Variants in SEL1L3 observed in about 807,000 individuals in gnomAD.
SEL1L3 encodes SEL1L family member 3.
Under a neutral mutation model 142.8 loss-of-function variants are expected in SEL1L3, and 76 were observed. The ratio of observed to expected loss-of-function variants is 0.53; its 90% CI spans 0.44 to 0.64. The LOEUF (loss-of-function observed/expected upper bound fraction) is 0.64, where lower values mean the gene tolerates loss of function less well. Among genes scored for constraint, SEL1L3 ranks in the 30% least tolerant of loss-of-function variants. The pLI is 0.00. For synonymous variants in SEL1L3, 504 were observed against 519.6 expected, an observed-to-expected ratio of 0.97 and a Z score of 0.41; for missense variants, 1,262 against 1,381.7, an observed-to-expected ratio of 0.91 and a Z score of 1.37.
chr4:25,821,522 C>T (rs1315956407), intron 7 of SEL1L3, among the ~76,000 whole-genome samples: 3 of 152,188 alleles, frequency 2.0e-5, no homozygotes, highest in African/African-American at 7.2e-5. Context: ...AACACAATGC[C>T]CTTTTCGATC....
chr4:25,850,800 T>C (rs1044579933), intron 1 of SEL1L3, among the ~76,000 whole-genome samples: 1 of 152,166 alleles, frequency 6.6e-6, no homozygotes, highest in African/African-American at 2.4e-5. Flanking sequence ...AAGGGTTTTC[T>C]GTCTGGTTTT....
intron 11 of SEL1L3, among the ~76,000 whole-genome samples, chr4:25,798,596 G>A (rs760298633): frequency 3.5e-4 from 54 of 152,196 alleles, no homozygotes; most frequent in Non-Finnish European, 6.3e-4. Flanking sequence ...GGGAGGCCAA[G>A]GTAGGCGGAT....
intron 23 of SEL1L3, among the ~76,000 whole-genome samples, chr4:25,753,763 C>T (rs1024115311): frequency 6.6e-6 from 1 of 152,148 alleles, no homozygotes; most frequent in Non-Finnish European, 1.5e-5. Context: ...GCAGGTAGAT[C>T]CCTTGAGGTC....
chr4:25,780,772 TA>T (rs1308065998), intron 15 of SEL1L3, among the ~76,000 whole-genome samples: 3 of 146,076 alleles, frequency 2.1e-5, no homozygotes, highest in East Asian at 2.0e-4. Context: ...TATATATAAA[TA>T]AAAAATAAAA....
chr4:25,821,354 C>CT (rs1212256568), intron 7 of SEL1L3, among the ~76,000 whole-genome samples: 15 of 152,298 alleles, frequency 9.8e-5, no homozygotes, highest in African/African-American at 3.6e-4. Flanking sequence ...TCTTGATCTC[C>CT]TTAAAGCAGC....
At chr4:25,826,817 C>T (rs571893362) in intron 6 of SEL1L3, among the ~76,000 whole-genome samples, 3 of 152,152 alleles carry the variant, frequency 2.0e-5, no homozygotes, top group Non-Finnish European at 2.9e-5. Context: ...GTGCCCACCA[C>T]CATGCCCGGC....
At chr4:25,826,234 A>G (rs915839807) in intron 6 of SEL1L3, among the ~76,000 whole-genome samples, 1 of 152,224 alleles carries the variant, frequency 6.6e-6, no homozygotes, top group Non-Finnish European at 1.5e-5. Flanking sequence ...TTAACGCTAT[A>G]GAGGCCTGAA....
chr4:25,811,511 A>C (rs1303409063), intron 9 of SEL1L3, among the ~76,000 whole-genome samples: 1 of 152,232 alleles, frequency 6.6e-6, no homozygotes, highest in Non-Finnish European at 1.5e-5. Flanking sequence ...TGGCTAGCGC[A>C]AACCTTGAAC....
Position 25,750,234 on chromosome 4 carries a change from C to CA in SEL1L3, c.3260-1671dup, listed in dbSNP as rs10718046. On this transcript the variant is annotated intron_variant, in intron 23 of 23. Coordinates refer to ENST00000399878, the MANE Select transcript of SEL1L3 (RefSeq NM_015187.5). ...TGGGCGACAGAGCGAGACTCCATCTCAAAAAAAAAAAAAAAAAAAAAGAAA... is the reference window on the plus strand; with the variant it reads ...TGGGCGACAGAGCGAGACTCCATCTCAAAAAAAAAAAAAAAAAAAAAAGAAA... 4.0e-3 allele frequency among the ~76,000 whole-genome samples: 419 copies of CA among 104,864 alleles called. 4 individuals are homozygous for CA. The highest frequency in any genetic ancestry group is 9.7e-3 in the African/African-American group (239 of 24,576). 68.8% of individuals were successfully genotyped at this position (104,864 alleles called of 152,430 possible).
upstream of SEL1L3, chr4:25,863,135 G>A (rs952872141): frequency 1.7e-5 from 3 of 178,594 alleles, no homozygotes; most frequent in Admixed American, 6.8e-5. Context: ...CCACCCCTCG[G>A]AGCAGCGGGC....
At chr4:25,714,890 A>G in the SEL1L3 span, among the ~76,000 whole-genome samples, 1 of 152,120 alleles carries the variant, frequency 6.6e-6, no homozygotes, top group South Asian at 2.1e-4. Flanking sequence ...AAAATATTAC[A>G]AAGTTTTTTG....
intron 6 of SEL1L3, among the ~76,000 whole-genome samples, chr4:25,827,040 A>T (rs1715140858): frequency 6.6e-6 from 1 of 152,226 alleles, no homozygotes; most frequent in South Asian, 2.1e-4. Context: ...CCCCCAAATC[A>T]GTCTTGATCC....
intron 5 of SEL1L3, among the ~76,000 whole-genome samples, chr4:25,831,514 ATTATTATT>A (rs1560340115): frequency 0.039 from 3,481 of 89,862 alleles, 154 homozygotes; most frequent in African/African-American, 0.11. Context: ...AATAATAATT[ATTATTATT>A]ATTATTATTA....
chr4:25,840,924 C>T (rs930880338), intron 2 of SEL1L3, among the ~76,000 whole-genome samples: 2 of 152,190 alleles, frequency 1.3e-5, no homozygotes, highest in African/African-American at 4.8e-5. Context: ...GGAACAAAGG[C>T]TTATCACCAT....
intron 6 of SEL1L3, among the ~76,000 whole-genome samples, chr4:25,825,718 AGGC>A (rs1169257809): frequency 2.5e-5 from 3 of 118,430 alleles, no homozygotes; most frequent in African/African-American, 1.0e-4. Context: ...CTCTGTTGCC[AGGC>A]TGGAGTGCAG....
Position 25,748,429 on chromosome 4 carries a change from C to T in SEL1L3, c.3395G>A (p.Gly1132Glu). The T allele has an allele frequency of 6.2e-7, 1 of 1,608,242 alleles. No homozygotes were observed. Among genetic ancestry groups the T allele is most frequent in the Non-Finnish European group, 8.5e-7 (1 of 1,177,562 alleles). Residue 1132 changes from glycine to glutamate, a missense_variant, in exon 24 of 24, where the codon GGG (glycine) becomes GAG (glutamate). By Grantham distance (98) the Gly-to-Glu change is moderately conservative (BLOSUM62 -2). Around this residue, in one of 3 missense-constraint regions of SEL1L3, gnomAD observed 138 missense variants for 129.7 expected, o/e 1.06. Transcript: ENST00000399878. ...PTVTNNPEPR[G>E] ...GAGAGAACTGGAGTGCACAGTTCAC[C>T]CACGTGGCTCCGGGTTATTAGTTAC...
intron 10 of SEL1L3, among the ~76,000 whole-genome samples, 158 bp from the exon 11 acceptor site, chr4:25,802,620 C>T (rs1018946442): frequency 3.9e-5 from 6 of 152,054 alleles, no homozygotes; most frequent in Non-Finnish European, 5.9e-5. Context: ...CTTGGCCTGT[C>T]GCCCAGGCTG....
the SEL1L3 span, among the ~76,000 whole-genome samples, chr4:25,734,029 G>GT: frequency 9.2e-5 from 14 of 151,518 alleles, no homozygotes; most frequent in East Asian, 5.9e-4. Flanking sequence ...TTTGGGCTTT[G>GT]TTTTTTTTGA....
At chr4:25,812,777 C>A (rs968054789) in intron 9 of SEL1L3, among the ~76,000 whole-genome samples, 1 of 150,728 alleles carries the variant, frequency 6.6e-6, no homozygotes, top group Admixed American at 6.6e-5. Flanking sequence ...CTTTGGGAGG[C>A]TGAGGCAGGT....
Sources: gnomAD v4.1 joint callset for allele counts (sites outside exome capture counted in the v4.1 genomes callset) on GRCh38, gnomAD v4.1.1 for gene constraint, gnomAD v4.1.1 regional missense constraint, MANE v1.5 for transcripts, NCBI Gene and HGNC (gene_info 2026-07-23, HGNC 2026-07-21) for gene names.